NPAS3: variants seen among roughly 807,000 people sequenced by gnomAD.
NPAS3 encodes the protein neuronal PAS domain-containing protein 3.
In NPAS3, 14 loss-of-function variants were observed where a neutral mutation model predicts 73.1. That is an observed-to-expected ratio of 0.19 (90% CI 0.13 to 0.30). NPAS3 has a LOEUF of 0.30. NPAS3 is among the 10% of genes least tolerant of loss of function. The probability of loss-of-function intolerance (pLI) is 1.00; values close to 1 mark genes in which losing one functional copy is unlikely to be tolerated. For synonymous variants in NPAS3, 620 were observed against 541.5 expected, an observed-to-expected ratio of 1.14 and a Z score of -2.01; for missense variants, 1,096 against 1,250.0, an observed-to-expected ratio of 0.88 and a Z score of 1.86.
chr14:33,440,565 G>A (rs548260899), intron 4 of NPAS3, among the ~76,000 whole-genome samples: 2 of 152,246 alleles, frequency 1.3e-5, no homozygotes, highest in South Asian at 2.1e-4. Flanking sequence ...TTTGAAAGAC[G>A]TGATTCTTTT....
At chr14:33,207,234 TACACACACAC>T (rs760045327) in intron 2 of NPAS3, among the ~76,000 whole-genome samples, 3 of 88,326 alleles carry the variant, frequency 3.4e-5, no homozygotes, top group African/African-American at 3.9e-5. Flanking sequence ...CAAAGAACAT[TACACACACAC>T]ACACACACAC....
intron 2 of NPAS3, among the ~76,000 whole-genome samples, chr14:33,106,624 G>A (rs1334238162): frequency 6.6e-6 from 1 of 152,146 alleles, no homozygotes; most frequent in African/African-American, 2.4e-5. Context: ...TAAATGAGGA[G>A]AAAAGCTGTT....
intron 1 of NPAS3, among the ~76,000 whole-genome samples, chr14:33,012,226 GT>G (rs1276625500): frequency 5.9e-5 from 9 of 152,286 alleles, no homozygotes; most frequent in African/African-American, 1.9e-4. Context: ...CTTGTTACAG[GT>G]TTTAACTTTT....
chr14:33,528,950 G>A (rs1354953990), intron 4 of NPAS3, among the ~76,000 whole-genome samples: 3 of 152,036 alleles, frequency 2.0e-5, no homozygotes, highest in Non-Finnish European at 4.4e-5. Flanking sequence ...TTAGTTTTTC[G>A]AGGTCATATA....
intron 1 of NPAS3, among the ~76,000 whole-genome samples, chr14:33,038,171 G>A (rs1182733575): frequency 2.0e-5 from 3 of 152,102 alleles, no homozygotes; most frequent in Non-Finnish European, 4.4e-5. Context: ...TGAAGGCTTG[G>A]GAATAAATGA....
intron 3 of NPAS3, among the ~76,000 whole-genome samples, chr14:33,344,750 TAC>T (rs371547179): frequency 1.1e-4 from 16 of 152,242 alleles, no homozygotes; most frequent in African/African-American, 3.4e-4. Flanking sequence ...TTTAATAGCG[TAC>T]AGTTTCCTCA....
chr14:33,650,565 G>T (rs922641892), intron 5 of NPAS3, among the ~76,000 whole-genome samples: 3 of 152,222 alleles, frequency 2.0e-5, no homozygotes, highest in Admixed American at 6.5e-5. Flanking sequence ...ATCTGTCACT[G>T]TTCCACGTGC....
chr14:33,168,506 T>C (rs2045256212), intron 2 of NPAS3, among the ~76,000 whole-genome samples: 1 of 152,190 alleles, frequency 6.6e-6, no homozygotes, highest in Non-Finnish European at 1.5e-5. Context: ...AAAAAGCTTT[T>C]GAGCTTACTT....
intron 1 of NPAS3, among the ~76,000 whole-genome samples, chr14:33,005,690 A>G (rs112024119): frequency 0.011 from 1,634 of 152,210 alleles, 24 homozygotes; most frequent in African/African-American, 0.037. Flanking sequence ...TAGGCAGTGG[A>G]AGTCTCAAAG....
chr14:33,300,951 G>A (rs1368784820), intron 3 of NPAS3, among the ~76,000 whole-genome samples: 1 of 152,138 alleles, frequency 6.6e-6, no homozygotes, highest in Non-Finnish European at 1.5e-5. Context: ...AGAGGAAGGT[G>A]GACTCCCAGC....
chr14:33,286,152 GC>G (rs1338253027), intron 3 of NPAS3, among the ~76,000 whole-genome samples: 1 of 152,170 alleles, frequency 6.6e-6, no homozygotes, highest in Admixed American at 6.5e-5. Flanking sequence ...AGATCAGGTA[GC>G]CAGTTAAATG....
At chr14:32,976,049 A>G (rs963713102) in intron 1 of NPAS3, among the ~76,000 whole-genome samples, 1 of 152,170 alleles carries the variant, frequency 6.6e-6, no homozygotes, top group Non-Finnish European at 1.5e-5. Context: ...GCTTTTAAAC[A>G]TGAGTGTGTG....
intron 2 of NPAS3, among the ~76,000 whole-genome samples, chr14:33,073,476 A>G (rs1001627755): frequency 1.3e-5 from 2 of 152,146 alleles, no homozygotes; most frequent in Non-Finnish European, 2.9e-5. Context: ...ACAAGATGGG[A>G]CAGGTGAAGT....
intron 3 of NPAS3, among the ~76,000 whole-genome samples, chr14:33,266,631 G>A (rs1301569317): frequency 2.6e-5 from 4 of 152,142 alleles, no homozygotes; most frequent in Admixed American, 6.5e-5. Context: ...TTACAGATGA[G>A]ATAAGAAAAC....
At chr14:33,226,301 T>C (rs1275181725) in intron 3 of NPAS3, among the ~76,000 whole-genome samples, 1 of 152,186 alleles carries the variant, frequency 6.6e-6, no homozygotes. Context: ...AAACAACTGA[T>C]CAGTTTAGGT....
At chr14:33,095,989 T>C (rs2042408085) in intron 2 of NPAS3, among the ~76,000 whole-genome samples, 1 of 150,992 alleles carries the variant, frequency 6.6e-6, no homozygotes, top group Admixed American at 6.6e-5. Flanking sequence ...CCGGTCATTC[T>C]CTGTTTTTTG....
chr14:32,975,852 G>A (rs961616364), intron 1 of NPAS3, among the ~76,000 whole-genome samples: 50 of 138,490 alleles, frequency 3.6e-4, no homozygotes, highest in African/African-American at 1.4e-3. Context: ...ATTGTTGGTG[G>A]TGAGGGGCGT....
rs571730032 is a variant in NPAS3, at chr14:33,095,215, A to G, written c.140+39221A>G. On this transcript the variant is annotated intron_variant, in intron 2 of 11. Coordinates refer to ENST00000356141, the Ensembl canonical transcript of NPAS3. ...TCTTTACCTTTTGTGGTTGAAAGGT[A>G]GGAGTGCAATGAGTGTGTGTGGTCT... Among the ~76,000 whole-genome samples the G allele has an allele frequency of 7.6e-4, 116 of 152,346 alleles. 1 individual carries two copies. The highest frequency in any genetic ancestry group is 3.7e-3 in the Admixed American group (56 of 15,296).
intron 3 of NPAS3, among the ~76,000 whole-genome samples, chr14:33,239,049 G>T (rs188114436): frequency 6.6e-6 from 1 of 152,040 alleles, no homozygotes; most frequent in Non-Finnish European, 1.5e-5. Flanking sequence ...GGCTTCGAGT[G>T]AGCTAAAATG....
Sources: gnomAD v4.1 joint callset for allele counts (sites outside exome capture counted in the v4.1 genomes callset) on GRCh38, gnomAD v4.1.1 for gene constraint, MANE v1.5 for transcripts, NCBI Gene and HGNC (gene_info 2026-07-23, HGNC 2026-07-21) for gene names.